Variants in XG observed in about 807,000 individuals in gnomAD.
The protein encoded by XG is glycoprotein Xg.
XG carries 24 observed loss-of-function variants against 25.7 expected under a neutral mutation model. That is an observed-to-expected ratio of 0.93 (90% CI 0.68 to 1.31). XG has a LOEUF of 1.31. Among genes scored for constraint, XG ranks in the 40% most tolerant of loss-of-function variants. The probability of loss-of-function intolerance (pLI) is 0.00; values close to 1 mark genes in which losing one functional copy is unlikely to be tolerated. For synonymous variants in XG, 77 were observed against 69.2 expected, an observed-to-expected ratio of 1.11 and a Z score of -0.56; for missense variants, 181 against 187.6, an observed-to-expected ratio of 0.96 and a Z score of 0.21.
intron 1 of XG, among the ~76,000 whole-genome samples, chrX:2,762,885 G>A (rs2050596225): frequency 6.6e-6 from 1 of 152,180 alleles, no homozygotes; most frequent in Non-Finnish European, 1.5e-5. Flanking sequence ...TCCTTCAAGG[G>A]AAATTCCAGG....
At chrX:2,770,467 AG>A (rs2050793355) in intron 1 of XG, 82 bp from the exon 2 acceptor site, 1 of 1,533,884 alleles carries the variant, frequency 6.5e-7, no homozygotes, top group South Asian at 1.1e-5. Context: ...TTGCAGGAGG[AG>A]GGGAGCAGCA....
chrX:2,783,820 C>G (rs1312673047), intron 4 of XG, among the ~76,000 whole-genome samples: 1 of 112,237 alleles, frequency 8.9e-6, no homozygotes, highest in Admixed American at 9.4e-5. Context: ...ACCAAAAATA[C>G]AAAAATTAGC....
rs1247544452 is a variant in XG at position 2,803,064 on chromosome X, A to C, written c.374-3637A>C. On this transcript the variant is annotated intron_variant, in intron 7 of 10. Transcript: ENST00000644266. ...TTTTCTCACTGTTATAATTTTTGCA[A>C]AGGCGGTTTCAATTTAACTGAAAAT... 2.7e-5 allele frequency among the ~76,000 whole-genome samples: 3 copies of C among 111,782 alleles called. No homozygotes were observed. In the East Asian group the frequency reaches 8.4e-4, roughly 31 times the overall value.
At chrX:2,787,836 G>A (rs1235953403) in intron 4 of XG, among the ~76,000 whole-genome samples, 3 of 107,994 alleles carry the variant, frequency 2.8e-5, no homozygotes, top group African/African-American at 1.0e-4. Context: ...GAACCCAGGA[G>A]GCGGAGGTTG....
At chrX:2,781,167 TA>T (rs2051111673) in intron 3 of XG, among the ~76,000 whole-genome samples, 1 of 146,076 alleles carries the variant, frequency 6.8e-6, no homozygotes, top group African/African-American at 2.5e-5. Flanking sequence ...GGCTGGAATG[TA>T]ACAAAAGCCC....
chrX:2,787,480 GA>G (rs1340330795), intron 4 of XG, among the ~76,000 whole-genome samples: 1 of 111,525 alleles, frequency 9.0e-6, no homozygotes, highest in Non-Finnish European at 1.9e-5. Flanking sequence ...ACCAAGCCAC[GA>G]ATATGCAGCT....
At chrX:2,790,355 G>A (rs1410459536) in intron 5 of XG, among the ~76,000 whole-genome samples, 2 of 109,550 alleles carry the variant, frequency 1.8e-5, no homozygotes, top group East Asian at 5.7e-4. Context: ...ACAAAAATTC[G>A]CCGGGCGTGG....
intron 2 of XG, among the ~76,000 whole-genome samples, chrX:2,772,261 T>G (rs1382655492): frequency 6.6e-6 from 1 of 152,146 alleles, no homozygotes; most frequent in Non-Finnish European, 1.5e-5. Context: ...CAGTTATTTG[T>G]GTACCCATGT....
intron 1 of XG, among the ~76,000 whole-genome samples, chrX:2,757,436 A>C (rs1388178846): frequency 6.6e-6 from 1 of 151,436 alleles, no homozygotes; most frequent in Non-Finnish European, 1.5e-5. Context: ...TAGTATCTTC[A>C]GGCCTCCTGT....
rs1341138242 is a variant in XG, at chrX:2,816,159, T to C, written c.*1779T>C. 1 of 112,256 alleles carries C rather than the reference T, an allele frequency of 8.9e-6. No individual in the cohort carries two copies. The highest frequency in any genetic ancestry group is 1.9e-5 in the Non-Finnish European group (1 of 53,246). 9.3% of individuals were successfully genotyped at this position (112,256 alleles called of 1,213,427 possible). ...GTTCAAGCTACTTAAGATGAAAATA[T>C]TTGAATCATGATTGCTTGGGGGAAC... On this transcript the variant is annotated 3_prime_UTR_variant, in exon 11 of 11. Coordinates refer to ENST00000644266, the MANE Select transcript of XG (RefSeq NM_001141919.2).
intron 2 of XG, among the ~76,000 whole-genome samples, chrX:2,774,123 A>G (rs1470847341): frequency 6.6e-6 from 1 of 152,048 alleles, no homozygotes; most frequent in African/African-American, 2.4e-5. Context: ...GCCATTGCAC[A>G]GCCCTGAAGC....
chrX:2,801,630 T>A (rs2086938125), intron 7 of XG, among the ~76,000 whole-genome samples: 1 of 112,103 alleles, frequency 8.9e-6, no homozygotes, highest in Admixed American at 9.5e-5. Context: ...TGAACGTGTC[T>A]AGGCCCTAGT....
chrX:2,763,369 C>T (rs2050606493), intron 1 of XG, among the ~76,000 whole-genome samples: 1 of 152,024 alleles, frequency 6.6e-6, no homozygotes, highest in South Asian at 2.1e-4. Flanking sequence ...CAGACCCCCA[C>T]CAAATAAAAA....
chrX:2,766,857 G>A (rs371028995), intron 1 of XG, among the ~76,000 whole-genome samples: 6 of 152,172 alleles, frequency 3.9e-5, no homozygotes, highest in South Asian at 2.1e-4. Context: ...GAGCCACCGC[G>A]CCCAGCCTGT....
At chrX:2,802,742 A>G (rs1429682797) in intron 7 of XG, among the ~76,000 whole-genome samples, 1 of 110,605 alleles carries the variant, frequency 9.0e-6, no homozygotes, top group African/African-American at 3.3e-5. Context: ...TACAATAGTG[A>G]TGCCATCCCT....
chrX:2,769,676 A>T lies in XG; in HGVS notation c.62-874A>T, dbSNP rs768997986. Among the ~76,000 whole-genome samples, 8 of 152,264 alleles carry T rather than the reference A, an allele frequency of 5.3e-5. No individual in the cohort carries two copies. In the South Asian group the frequency reaches 1.7e-3, roughly 31 times the overall value. The stretch of plus-strand genomic sequence containing the variant: ...GCAAGAGGGACCCTTCACCCTCACA[A>T]ATTCTGCAGTGTGTTTTTAATGATG... On this transcript the variant is annotated intron_variant, in intron 1 of 10. Coordinates refer to ENST00000644266, the MANE Select transcript of XG (RefSeq NM_001141919.2).
intron 4 of XG, among the ~76,000 whole-genome samples, chrX:2,786,277 T>TTTTTTTTTTC (rs1487160359): frequency 3.1e-5 from 3 of 96,728 alleles, no homozygotes; most frequent in Non-Finnish European, 6.2e-5. Flanking sequence ...TTTTTTTTTT[T>TTTTTTTTTTC]CAGACAGAGT....
chrX:2,752,201 A>C lies in XG; in HGVS notation c.-74A>C. 6.2e-7 allele frequency: 1 copy of C among 1,607,574 alleles called. No individual in the cohort carries two copies. The highest frequency in any genetic ancestry group is 1.1e-5 in the South Asian group (1 of 90,454). The stretch of plus-strand genomic sequence containing the variant: ...TGGGAGACCAGAAGTCAACAACAGG[A>C]GGGTGGAGAGGCCGGGTCTCACAAT... On this transcript the variant is annotated 5_prime_UTR_variant, in exon 1 of 11. Coordinates refer to ENST00000644266, the MANE Select transcript of XG (RefSeq NM_001141919.2).
chrX:2,783,783 T>C (rs774160203), intron 4 of XG, among the ~76,000 whole-genome samples: 15 of 112,638 alleles, frequency 1.3e-4, no homozygotes, highest in Non-Finnish European at 2.3e-4. Context: ...GAGACCAGCC[T>C]GGCCAACATG....
Sources: allele counts gnomAD v4.1 joint callset (sites outside exome capture counted in the v4.1 genomes callset), GRCh38; gene constraint gnomAD v4.1.1; transcripts MANE v1.5; gene names NCBI Gene and HGNC (gene_info 2026-07-23, HGNC 2026-07-21).